The following ARHGAP21 variants were observed in gnomAD, a reference collection of about 807,000 sequenced individuals.
ARHGAP21 encodes the protein Rho GTPase activating protein 21.
A neutral mutation model predicts 164.6 loss-of-function variants in ARHGAP21; 38 were observed. That is an observed-to-expected ratio of 0.23 (90% CI 0.18 to 0.30). The LOEUF is 0.30. Among genes scored for constraint, ARHGAP21 ranks in the 10% least tolerant of loss-of-function variants. The pLI is 1.00. For missense variants in ARHGAP21, 1,822 were observed against 2,370.7 expected (o/e 0.77, Z 4.81); for synonymous variants, 766 against 857.9 (o/e 0.89, Z 1.87).
chr10:24,622,461 T>TATATAC, intron 8 of ARHGAP21, among the ~76,000 whole-genome samples: 1 of 81,828 alleles, frequency 1.2e-5, no homozygotes, highest in South Asian at 3.5e-4. Context: ...TATATATATA[T>TATATAC]ATATATATAT....
chr10:24,709,042 C>T (rs1026577425), intron 2 of ARHGAP21, among the ~76,000 whole-genome samples: 1 of 151,968 alleles, frequency 6.6e-6, no homozygotes, highest in East Asian at 1.9e-4. Flanking sequence ...AGAGAGAAGA[C>T]CCAAATAAAA....
At chr10:24,628,409 A>T (rs757799832) in intron 7 of ARHGAP21, among the ~76,000 whole-genome samples, 1 of 137,796 alleles carries the variant, frequency 7.3e-6, no homozygotes, top group Non-Finnish European at 1.6e-5. Context: ...ACTCTTTAGG[A>T]TCGGCTTTAG....
Position 24,655,210 on chromosome 10 carries a change from G to A in ARHGAP21, c.268+11775C>T, listed in dbSNP as rs567592326. ...AATACCATTCAGGACATAGGCATGG[G>A]CAAGGACTTCGTGTCTAAAACACCA... On this transcript the variant is annotated intron_variant, in intron 4 of 25. Transcript: ENST00000396432. Among the ~76,000 whole-genome samples the A allele has an allele frequency of 2.0e-5, 3 of 152,314 alleles. No individual in the cohort carries two copies. In the East Asian group the frequency reaches 5.8e-4, roughly 29 times the overall value.
chr10:24,598,031 G>C (rs776006841), intron 14 of ARHGAP21, 22 bp from the exon 15 acceptor site: 1 of 1,581,424 alleles, frequency 6.3e-7, no homozygotes, highest in Non-Finnish European at 8.7e-7. Flanking sequence ...AGTAAAATTA[G>C]AAAATCAATT....
chr10:24,591,722 C>T, intron 22 of ARHGAP21, 39 bp from the exon 23 acceptor site: 1 of 1,609,858 alleles, frequency 6.2e-7, no homozygotes, highest in Non-Finnish European at 8.5e-7. Context: ...ATTAAACAAG[C>T]CTTTAAATAT....
At chr10:24,686,915 T>G (rs1204546238) in intron 2 of ARHGAP21, among the ~76,000 whole-genome samples, 1 of 152,162 alleles carries the variant, frequency 6.6e-6, no homozygotes, top group Non-Finnish European at 1.5e-5. Flanking sequence ...CCAGGTGAGG[T>G]GACTCACATC....
At chr10:24,689,465 A>AGTG (rs1215628003) in intron 2 of ARHGAP21, among the ~76,000 whole-genome samples, 2 of 152,154 alleles carry the variant, frequency 1.3e-5, no homozygotes, top group East Asian at 3.9e-4. Context: ...ACTGGCTGGA[A>AGTG]GTGGTGGCTC....
At chr10:24,601,023 T>G in intron 13 of ARHGAP21, 93 bp from the exon 14 acceptor site, 1 of 1,399,984 alleles carries the variant, frequency 7.1e-7, no homozygotes, top group Non-Finnish European at 9.8e-7. Flanking sequence ...CCTCTGCATT[T>G]ACATATAACT....
In ARHGAP21 at chr10:24,621,139, T is replaced by G; in HGVS notation, c.756A>C (p.Pro252=). Residue 252 remains proline, a synonymous_variant, in exon 9 of 26, where the codon CCA becomes CCC. Transcript: ENST00000396432. Reference sequence around the variant, plus strand: ...TTGATTTTGCAACATCTGTTGGTGATGGAGGCACTTGTATTTCCATTCTAT... The same window carrying G: ...TTGATTTTGCAACATCTGTTGGTGAGGGAGGCACTTGTATTTCCATTCTAT... ...RAYRMEIQVP[P]SPTDVAKSNT... 1 of 1,613,598 alleles carries G rather than the reference T, an allele frequency of 6.2e-7. No homozygotes were observed. The highest frequency in any genetic ancestry group is 8.5e-7 in the Non-Finnish European group (1 of 1,179,536).
intron 2 of ARHGAP21, among the ~76,000 whole-genome samples, chr10:24,717,577 A>G (rs1220652798): frequency 6.6e-6 from 1 of 152,150 alleles, no homozygotes; most frequent in Non-Finnish European, 1.5e-5. Context: ...GGGAGGAGGA[A>G]CAGGGGACAG....
chr10:24,595,074 C>G, intron 20 of ARHGAP21, 35 bp from the exon 21 acceptor site: 1 of 1,607,470 alleles, frequency 6.2e-7, no homozygotes, highest in Non-Finnish European at 8.5e-7. Flanking sequence ...GATTCAGAGG[C>G]TGAATTTTAG....
At chr10:24,645,113 C>T (rs1837428602) in intron 4 of ARHGAP21, among the ~76,000 whole-genome samples, 1 of 152,168 alleles carries the variant, frequency 6.6e-6, no homozygotes, top group Non-Finnish European at 1.5e-5. Flanking sequence ...ACTGGAAACA[C>T]ACACTCCATC....
rs746581636 is a variant in ARHGAP21 at position 24,619,807 on chromosome 10, C to A, written c.2088G>T (p.Ser696=). 7 of 1,613,998 alleles carry A rather than the reference C, an allele frequency of 4.3e-6. No individual in the cohort carries two copies. Among genetic ancestry groups the A allele is most frequent in the Non-Finnish European group, 3.4e-6 (4 of 1,180,026 alleles). Residue 696 remains serine, a synonymous_variant, in exon 9 of 26, where the codon TCG becomes TCT. Coordinates refer to ENST00000396432, the MANE Select transcript of ARHGAP21 (RefSeq NM_020824.4). ...AATCTGAAGTACCAGCGTTTTCACT[C>A]GACTGAGGGGCAGGCTTGGCAGAGG... ...SGASAKPAPQ[S]SENAGTSDLE...
chr10:24,674,847 C>T (rs1333916740), intron 2 of ARHGAP21, among the ~76,000 whole-genome samples: 1 of 151,994 alleles, frequency 6.6e-6, no homozygotes, highest in East Asian at 1.9e-4. Context: ...ATATAAAGAA[C>T]TCTCAAAATT....
At chr10:24,628,176 T>A (rs976156032) in intron 7 of ARHGAP21, among the ~76,000 whole-genome samples, 1 of 152,234 alleles carries the variant, frequency 6.6e-6, no homozygotes, top group Admixed American at 6.5e-5. Flanking sequence ...CTATGCTGAA[T>A]TGTCAGGGTA....
intron 4 of ARHGAP21, among the ~76,000 whole-genome samples, chr10:24,643,880 TTTTA>T (rs1288471894): frequency 1.3e-5 from 2 of 152,172 alleles, no homozygotes; most frequent in Non-Finnish European, 2.9e-5. Flanking sequence ...TAACCTTCTT[TTTTA>T]TTTATTTTTA....
rs772103844 is a variant in ARHGAP21 at position 24,722,090 on chromosome 10, T to G, written c.-191A>C. The stretch of plus-strand genomic sequence containing the variant: ...CGCCTTCAAATGCCTCGCTGATTTC[T>G]CGTGACTTCAACTGACTTCGCCTTC... On this transcript the variant is annotated 5_prime_UTR_variant, in exon 2 of 26. Coordinates refer to ENST00000396432, the MANE Select transcript of ARHGAP21 (RefSeq NM_020824.4). 1.9e-5 allele frequency: 12 copies of G among 629,306 alleles called. No individual in the cohort carries two copies. The highest frequency in any genetic ancestry group is 3.7e-5 in the African/African-American group (2 of 54,600). 39.0% of individuals were successfully genotyped at this position (629,306 alleles called of 1,614,324 possible).
rs1379801421 is a variant in ARHGAP21 at position 24,625,061 on chromosome 10, GGGGA to G, written c.496-2303_496-2300del. Among the ~76,000 whole-genome samples, 297 of 72,722 alleles carry G rather than the reference GGGGA, an allele frequency of 4.1e-3. 29 individuals are homozygous for G. Among genetic ancestry groups the G allele is most frequent in the African/African-American group, 0.01 (155 of 15,344 alleles). The allele number at this position is 72,722 out of a possible 152,430, so 47.7% of individuals were successfully genotyped here. A position where few individuals can be genotyped will look rare whatever the true frequency, so the allele number is the denominator to read the frequency against. ...AAAGCTCTAAAAAGTGGGGGGGGGG[GGGGA>G]GGAGGAGGAGGAAGAAAATAAGAAA... On this transcript the variant is annotated intron_variant, in intron 7 of 25. Coordinates refer to ENST00000396432, the MANE Select transcript of ARHGAP21 (RefSeq NM_020824.4).
rs911327547 is a variant in ARHGAP21 at position 24,591,492 on chromosome 10, T to C, written c.4044+150A>G. 4 of 1,140,056 alleles carry C rather than the reference T, an allele frequency of 3.5e-6. No individual in the cohort carries two copies. The African/African-American group carries it at 4.7e-5, about 13-fold the overall frequency. The allele number at this position is 1,140,056 out of a possible 1,614,324, so 70.6% of individuals were successfully genotyped here. A position where few individuals can be genotyped will look rare whatever the true frequency, so the allele number is the denominator to read the frequency against. ...AACTGCAAAATAAGCACCGTACTTG[T>C]ATATTCATTAGATCAGAAACTGAGC... On this transcript the variant is annotated intron_variant, in intron 23 of 25. Coordinates refer to ENST00000396432, the MANE Select transcript of ARHGAP21 (RefSeq NM_020824.4).
Sources: gnomAD v4.1 joint callset for allele counts (sites outside exome capture counted in the v4.1 genomes callset) on GRCh38, gnomAD v4.1.1 for gene constraint, MANE v1.5 for transcripts, NCBI Gene and HGNC (gene_info 2026-07-23, HGNC 2026-07-21) for gene names.